EYS: variants seen among roughly 807,000 people sequenced by gnomAD.
The protein encoded by EYS is EGF-like photoreceptor maintenance factor.
In EYS, 250 loss-of-function variants were observed where a neutral mutation model predicts 282.1. The observed-to-expected ratio is 0.89, with a 90% CI of 0.80 to 0.98. The LOEUF (loss-of-function observed/expected upper bound fraction) is 0.98. EYS is among the 50% of genes least tolerant of loss of function. EYS has a pLI of 0.00. For missense variants in EYS, 4,016 were observed against 3,709.0 expected (o/e 1.08, Z -2.15); for synonymous variants, 1,355 against 1,282.9 (o/e 1.06, Z -1.20).
At chr6:64,264,245 C>T (rs567605691) in intron 30 of EYS, among the ~76,000 whole-genome samples, 5 of 152,162 alleles carry the variant, frequency 3.3e-5, no homozygotes, top group Non-Finnish European at 7.4e-5. Flanking sequence ...CAAAACACCA[C>T]ACTTTTACTT....
chr6:65,055,145 C>G (rs573771879), intron 13 of EYS, among the ~76,000 whole-genome samples: 1 of 152,028 alleles, frequency 6.6e-6, no homozygotes, highest in Admixed American at 6.6e-5. Context: ...ACAACTGGCT[C>G]ATTTTTCCTT....
At chr6:65,297,010 G>C (rs1236538168) in intron 11 of EYS, among the ~76,000 whole-genome samples, 1 of 151,530 alleles carries the variant, frequency 6.6e-6, no homozygotes, top group Non-Finnish European at 1.5e-5. Context: ...ACACACATCT[G>C]TTCAAGGCCT....
At chr6:64,425,419 C>T (rs1344680743) in intron 28 of EYS, among the ~76,000 whole-genome samples, 2 of 152,014 alleles carry the variant, frequency 1.3e-5, no homozygotes, top group Admixed American at 6.5e-5. Context: ...CTTTGGGAGG[C>T]CGAGGCGGGA....
chr6:63,984,433 G>A lies in EYS; in HGVS notation c.7005C>T (p.His2335=), dbSNP rs754317397. 2.3e-5 allele frequency: 35 copies of A among 1,549,532 alleles called. No homozygotes were observed. In the South Asian group the frequency reaches 2.4e-4, roughly 11 times the overall value. Reference sequence around the variant, plus strand: ...ACAGATGATGAGCACACCAAGGGACGTGGCAGTTCTCAATATTCTTTCCAT... The same window carrying A: ...ACAGATGATGAGCACACCAAGGGACATGGCAGTTCTCAATATTCTTTCCAT... ...ARHGKNIENC[H]VPWCAHHLCR... Residue 2335 remains histidine, a synonymous_variant, in exon 35 of 43, where the codon CAC becomes CAT. Transcript: ENST00000503581.
intron 22 of EYS, among the ~76,000 whole-genome samples, chr6:64,782,921 TAAATTACCAA>T (rs1773906181): frequency 6.6e-6 from 1 of 152,240 alleles, no homozygotes; most frequent in Non-Finnish European, 1.5e-5. Flanking sequence ...TTCCATAGTT[TAAATTACCAA>T]TGGTCAGCCA....
chr6:64,450,380 G>A (rs190056910), intron 26 of EYS, among the ~76,000 whole-genome samples: 1 of 152,084 alleles, frequency 6.6e-6, no homozygotes, highest in African/African-American at 2.4e-5. Context: ...TACCTACAAA[G>A]AGACTTAGAC....
At chr6:64,477,664 G>A (rs111773114) in intron 26 of EYS, among the ~76,000 whole-genome samples, 7 of 152,046 alleles carry the variant, frequency 4.6e-5, no homozygotes, top group African/African-American at 1.7e-4. Flanking sequence ...CACTAGAAAT[G>A]ATGGTAAACC....
chr6:65,611,557 T>C (rs769149927), intron 2 of EYS, among the ~76,000 whole-genome samples: 8 of 152,064 alleles, frequency 5.3e-5, no homozygotes, highest in Non-Finnish European at 1.2e-4. Flanking sequence ...CGAATTAAAA[T>C]TATTTTATTG....
At chr6:64,353,850 T>C (rs1771730235) in intron 29 of EYS, among the ~76,000 whole-genome samples, 1 of 151,626 alleles carries the variant, frequency 6.6e-6, no homozygotes, top group South Asian at 2.1e-4. Flanking sequence ...GGGTTCATTG[T>C]TGCCTACAGT....
chr6:64,498,051 T>A (rs2150510073), intron 26 of EYS, among the ~76,000 whole-genome samples: 1 of 152,288 alleles, frequency 6.6e-6, no homozygotes, highest in South Asian at 2.1e-4. Context: ...AAAACCAGAC[T>A]CACTTTATTT....
At chr6:65,115,099 T>G (rs1775329034) in intron 12 of EYS, among the ~76,000 whole-genome samples, 1 of 152,080 alleles carries the variant, frequency 6.6e-6, no homozygotes, top group African/African-American at 2.4e-5. Flanking sequence ...ATTCTTTATT[T>G]GGCTGTATTT....
chr6:65,263,531 T>C (rs993485682), intron 12 of EYS, among the ~76,000 whole-genome samples: 2 of 152,084 alleles, frequency 1.3e-5, no homozygotes, highest in African/African-American at 4.8e-5. Flanking sequence ...AAAAGTCAGT[T>C]TTAAAACAGG....
intron 22 of EYS, among the ~76,000 whole-genome samples, chr6:64,647,549 G>T (rs1194356746): frequency 3.9e-5 from 6 of 152,046 alleles, no homozygotes; most frequent in African/African-American, 1.4e-4. Context: ...CACTACAAAG[G>T]AAAGATGCTT....
intron 16 of EYS, among the ~76,000 whole-genome samples, chr6:64,903,628 C>T (rs1767734173): frequency 6.6e-6 from 1 of 152,150 alleles, no homozygotes; most frequent in East Asian, 1.9e-4. Flanking sequence ...GCACAGCTTT[C>T]TTGGTCTCTA....
intron 19 of EYS, among the ~76,000 whole-genome samples, chr6:64,843,003 AG>A (rs1757965896): frequency 6.6e-6 from 1 of 152,114 alleles, no homozygotes; most frequent in African/African-American, 2.4e-5. Context: ...GGCATGTCAT[AG>A]GTCTCATGGC....
chr6:64,963,787 A>C (rs1355841778), intron 14 of EYS, among the ~76,000 whole-genome samples: 1 of 152,220 alleles, frequency 6.6e-6, no homozygotes. Flanking sequence ...TGAGTGAAAT[A>C]GGAGTCTTTT....
At chr6:64,317,033 C>A (rs912784278) in intron 29 of EYS, among the ~76,000 whole-genome samples, 1 of 152,124 alleles carries the variant, frequency 6.6e-6, no homozygotes, top group South Asian at 2.1e-4. Context: ...GAAACTGGAT[C>A]CCCTCCTTAC....
chr6:64,351,770 T>C (rs1300475612), intron 29 of EYS, among the ~76,000 whole-genome samples: 1 of 151,518 alleles, frequency 6.6e-6, no homozygotes, highest in African/African-American at 2.4e-5. Flanking sequence ...AAAGCAGTCA[T>C]TAAAGGTGTT....
At chr6:64,748,139 GC>G (rs1772615946) in intron 22 of EYS, among the ~76,000 whole-genome samples, 2 of 152,132 alleles carry the variant, frequency 1.3e-5, no homozygotes, top group African/African-American at 4.8e-5. Context: ...TACCTACAAA[GC>G]CAAGAACATT....
Sources: allele counts gnomAD v4.1 joint callset (sites outside exome capture counted in the v4.1 genomes callset), GRCh38; gene constraint gnomAD v4.1.1; transcripts MANE v1.5; gene names NCBI Gene and HGNC (gene_info 2026-07-23, HGNC 2026-07-21).